SLC44A5: variants seen among roughly 807,000 people sequenced by gnomAD.
SLC44A5 encodes choline transporter-like protein 5.
In SLC44A5, 57 loss-of-function variants were observed where a neutral mutation model predicts 101.8. The ratio of observed to expected loss-of-function variants is 0.56; its 90% CI spans 0.45 to 0.70. The LOEUF is 0.70. Among genes scored for constraint, SLC44A5 ranks in the 30% least tolerant of loss-of-function variants. The pLI is 0.00. For missense variants in SLC44A5, 737 were observed against 853.1 expected (o/e 0.86, Z 1.70); for synonymous variants, 281 against 290.9 (o/e 0.97, Z 0.35).
chr1:75,644,426 A>C, the SLC44A5 span, among the ~76,000 whole-genome samples: 1 of 152,068 alleles, frequency 6.6e-6, no homozygotes, highest in Admixed American at 6.6e-5. Flanking sequence ...TTGTCATACT[A>C]TTGAATGACT....
the SLC44A5 span, among the ~76,000 whole-genome samples, chr1:75,719,393 T>C: frequency 6.6e-6 from 1 of 152,118 alleles, no homozygotes; most frequent in South Asian, 2.1e-4. Context: ...ACCAGGCCAA[T>C]ATAATGAGAC....
chr1:75,693,863 T>A, the SLC44A5 span, among the ~76,000 whole-genome samples: 1 of 152,008 alleles, frequency 6.6e-6, no homozygotes, highest in Non-Finnish European at 1.5e-5. Context: ...GAATAAGAAC[T>A]AACCATTGGT....
At chr1:75,569,887 C>T (rs1001679850) in intron 1 of SLC44A5, among the ~76,000 whole-genome samples, 1 of 152,130 alleles carries the variant, frequency 6.6e-6, no homozygotes, top group Non-Finnish European at 1.5e-5. Context: ...CCAGGAAACA[C>T]TAATACAGGA....
rs926021652 is a variant in SLC44A5, at chr1:75,384,218, C to A, written c.52+12365G>T. On this transcript the variant is annotated intron_variant, in intron 3 of 23. Coordinates refer to ENST00000370859, the MANE Select transcript of SLC44A5 (RefSeq NM_001130058.2). ...TTCACACATAACAATATTAACTTTA[C>A]ATGTAAATGGACTAAATGCTCCAAT... Among the ~76,000 whole-genome samples the A allele has an allele frequency of 6.6e-5, 10 of 152,260 alleles. 1 individual carries two copies. Among genetic ancestry groups the A allele is most frequent in the African/African-American group, 1.9e-4 (8 of 41,534 alleles).
chr1:75,432,460 C>A (rs943673431), intron 2 of SLC44A5, among the ~76,000 whole-genome samples: 1 of 152,124 alleles, frequency 6.6e-6, no homozygotes, highest in Non-Finnish European at 1.5e-5. Flanking sequence ...ATAATAGTTT[C>A]TTCAGCTCTC....
At chr1:75,534,381 G>A (rs1325662909) in intron 2 of SLC44A5, among the ~76,000 whole-genome samples, 1 of 152,138 alleles carries the variant, frequency 6.6e-6, no homozygotes, top group African/African-American at 2.4e-5. Context: ...TCTGTCCAGG[G>A]CTCTCTGCCC....
intron 4 of SLC44A5, among the ~76,000 whole-genome samples, chr1:75,316,747 A>G (rs145346905): frequency 9.8e-5 from 15 of 152,304 alleles, no homozygotes; most frequent in African/African-American, 3.4e-4. Context: ...TTCTTTTCTC[A>G]TTTTATATCA....
chr1:75,603,610 C>T (rs1316591439), intron 1 of SLC44A5, among the ~76,000 whole-genome samples: 1 of 151,764 alleles, frequency 6.6e-6, no homozygotes, highest in Non-Finnish European at 1.5e-5. Flanking sequence ...TGTATATATG[C>T]TTATAAGCAT....
intron 4 of SLC44A5, among the ~76,000 whole-genome samples, chr1:75,302,120 T>TTG (rs1553157946): frequency 7.2e-6 from 1 of 138,242 alleles, no homozygotes; most frequent in Non-Finnish European, 1.5e-5. Flanking sequence ...TTGTTTTTTT[T>TTG]TTTTTTTTTT....
intron 2 of SLC44A5, among the ~76,000 whole-genome samples, chr1:75,459,813 A>G (rs888159081): frequency 5.3e-5 from 8 of 152,286 alleles, no homozygotes; most frequent in African/African-American, 1.4e-4. Flanking sequence ...ACTTAAAAAC[A>G]TATTACTTTT....
At chr1:75,399,326 C>G (rs2101421749) in intron 2 of SLC44A5, among the ~76,000 whole-genome samples, 1 of 152,074 alleles carries the variant, frequency 6.6e-6, no homozygotes, top group Admixed American at 6.6e-5. Context: ...ACAGGAGCCA[C>G]CACCAATGAT....
intron 6 of SLC44A5, among the ~76,000 whole-genome samples, chr1:75,264,717 T>G (rs1041886965): frequency 6.6e-6 from 1 of 151,404 alleles, no homozygotes; most frequent in African/African-American, 2.4e-5. Context: ...ACAATGCACC[T>G]CAAGGAACTA....
chr1:75,418,016 A>G (rs954679970), intron 2 of SLC44A5, among the ~76,000 whole-genome samples: 1 of 152,270 alleles, frequency 6.6e-6, no homozygotes, highest in Admixed American at 6.5e-5. Flanking sequence ...TCAGGAAATG[A>G]CATTGCCTTT....
the SLC44A5 span, among the ~76,000 whole-genome samples, chr1:75,629,541 T>A: frequency 5.9e-3 from 893 of 152,288 alleles, 7 homozygotes; most frequent in African/African-American, 0.02. Flanking sequence ...CAGCCACAGT[T>A]GAGCTCTTTC....
intron 3 of SLC44A5, among the ~76,000 whole-genome samples, chr1:75,355,932 T>C (rs563772592): frequency 1.3e-5 from 2 of 152,140 alleles, no homozygotes; most frequent in East Asian, 3.9e-4. Context: ...TCTGGGCCTC[T>C]TGAAGTCAGT....
intron 4 of SLC44A5, among the ~76,000 whole-genome samples, chr1:75,335,053 A>T (rs931568559): frequency 6.6e-6 from 1 of 152,182 alleles, no homozygotes; most frequent in African/African-American, 2.4e-5. Flanking sequence ...ACCGGTACTA[A>T]TTTCTCCAAT....
At chr1:75,437,913 T>C (rs17096887) in intron 2 of SLC44A5, among the ~76,000 whole-genome samples, 15,669 of 152,132 alleles carry the variant, frequency 0.1, 978 homozygotes, top group Admixed American at 0.19. Flanking sequence ...GTGAGTATAG[T>C]GGGTTTCCAA....
chr1:75,453,036 A>C (rs1053165639), intron 2 of SLC44A5, among the ~76,000 whole-genome samples: 1 of 152,146 alleles, frequency 6.6e-6, no homozygotes, highest in Non-Finnish European at 1.5e-5. Flanking sequence ...TTCACCAATT[A>C]GACCTAATAG....
At chr1:75,595,591 C>T (rs1323281239) in intron 1 of SLC44A5, among the ~76,000 whole-genome samples, 1 of 152,130 alleles carries the variant, frequency 6.6e-6, no homozygotes, top group Non-Finnish European at 1.5e-5. Flanking sequence ...CTTACTACTA[C>T]AGAAAGAAGC....
Sources: allele counts gnomAD v4.1 joint callset (sites outside exome capture counted in the v4.1 genomes callset), GRCh38; gene constraint gnomAD v4.1.1; transcripts MANE v1.5; gene names NCBI Gene and HGNC (gene_info 2026-07-23, HGNC 2026-07-21).